Variants in COLEC12 observed in about 807,000 individuals in gnomAD.
COLEC12 encodes collectin subfamily member 12.
In COLEC12, 33 loss-of-function variants were observed where a neutral mutation model predicts 71.1. The ratio of observed to expected loss-of-function variants is 0.46; its 90% confidence interval spans 0.35 to 0.62. The LOEUF is 0.62. COLEC12 is among the 20% of genes least tolerant of loss of function. The pLI, the probability that COLEC12 is intolerant of heterozygous loss-of-function variation, is 0.00. For missense variants in COLEC12, 765 were observed against 916.1 expected, an observed-to-expected ratio of 0.84 and a Z score of 2.13; for synonymous variants, 350 against 353.0, an observed-to-expected ratio of 0.99 and a Z score of 0.10.
Position 346,514 on chromosome 18 carries a change from T to A in COLEC12, c.1108A>T (p.Thr370Ser), listed in dbSNP as rs377210459. 229 of 1,614,084 alleles carry A rather than the reference T, an allele frequency of 1.4e-4. No individual in the cohort carries two copies. Among genetic ancestry groups the A allele is most frequent in the Non-Finnish European group, 1.8e-4 (214 of 1,180,032 alleles). ...TGTTTGGTAAGGGTATCTGTGCAAG[T>A]GGTCCTGACTTCATTTAGATTGCTG... ...LTSNLNEVRTTCTDTLTKHTD... is the reference protein window; with the variant it reads ...LTSNLNEVRTSCTDTLTKHTD... The change falls in exon 5 of 10, where the codon ACT becomes TCT. Residue 370 changes from threonine to serine, a missense_variant. Transcript: ENST00000400256. The surrounding 1 kb of genome is among the most constrained non-coding windows in gnomAD (Gnocchi z 4.0).
At chr18:470,114 CAATCATTATATCTT>C (rs761691357) in intron 2 of COLEC12, among the ~76,000 whole-genome samples, 11 of 148,112 alleles carry the variant, frequency 7.4e-5, no homozygotes, top group Non-Finnish European at 1.2e-4. Context: ...TGAGGTGGGA[CAATCATTATATCTT>C]AATATTTTTT....
intron 1 of COLEC12, among the ~76,000 whole-genome samples, chr18:491,124 C>T (rs1467592970): frequency 1.3e-5 from 2 of 152,248 alleles, no homozygotes; most frequent in Non-Finnish European, 2.9e-5. Flanking sequence ...CACCACCACC[C>T]ACTGTAGCAG....
intron 3 of COLEC12, among the ~76,000 whole-genome samples, chr18:348,886 A>T (rs993977881): frequency 3.9e-5 from 6 of 152,234 alleles, no homozygotes; most frequent in African/African-American, 1.4e-4. Context: ...CTGTGTCCCC[A>T]CCCAAATCTC....
chr18:454,169 C>T (rs922617341), intron 2 of COLEC12, among the ~76,000 whole-genome samples: 2 of 151,860 alleles, frequency 1.3e-5, no homozygotes, highest in African/African-American at 2.4e-5. Context: ...TATTTCTTGA[C>T]GTCATCTCCT....
chr18:375,738 C>G (rs1361218031), intron 2 of COLEC12, among the ~76,000 whole-genome samples: 1 of 152,192 alleles, frequency 6.6e-6, no homozygotes, highest in African/African-American at 2.4e-5. Flanking sequence ...GCCTCCCTAA[C>G]AAGAATGTGA....
chr18:497,131 C>T (rs147423310), intron 1 of COLEC12, among the ~76,000 whole-genome samples: 2,750 of 152,240 alleles, frequency 0.018, 36 homozygotes, highest in Non-Finnish European at 0.028. Flanking sequence ...GTACTTGTGA[C>T]TCCAGGGATG....
rs989533849 is a variant in COLEC12, at chr18:483,540, G to A, written c.8-2783C>T. 4.6e-5 allele frequency among the ~76,000 whole-genome samples: 7 copies of A among 152,150 alleles called. No individual in the cohort carries two copies. In the East Asian group the frequency reaches 1.3e-3, roughly 29 times the overall value. ...TCTTGGTTTGGAATCTAGAAGGCCA[G>A]GTATTTATACTCAAAGTGGTTTTCT... On this transcript the variant is annotated intron_variant, in intron 1 of 9. Transcript: ENST00000400256.
chr18:414,044 C>G (rs1178446004), intron 2 of COLEC12, among the ~76,000 whole-genome samples: 1 of 152,128 alleles, frequency 6.6e-6, no homozygotes, highest in South Asian at 2.1e-4. Flanking sequence ...TTTGTGATAA[C>G]AGGCATTTTT....
At chr18:394,192 A>C (rs1482976002) in intron 2 of COLEC12, among the ~76,000 whole-genome samples, 1 of 152,202 alleles carries the variant, frequency 6.6e-6, no homozygotes, top group Non-Finnish European at 1.5e-5. Flanking sequence ...AAATAGAGAA[A>C]ATTGTGCCCA....
intron 2 of COLEC12, among the ~76,000 whole-genome samples, chr18:445,664 C>T (rs992297839): frequency 3.7e-4 from 47 of 127,216 alleles, no homozygotes; most frequent in Non-Finnish European, 6.0e-4. Flanking sequence ...CAAGGTTTTA[C>T]TCCTGTCACT....
intron 2 of COLEC12, among the ~76,000 whole-genome samples, chr18:374,411 T>C (rs1303670563): frequency 6.6e-6 from 1 of 151,786 alleles, no homozygotes; most frequent in Non-Finnish European, 1.5e-5. Flanking sequence ...TGACCTGCAA[T>C]TGCAATCAAG....
At position 333,158 on chromosome 18, in the gene COLEC12, GT is replaced by G; in HGVS notation, c.1817-16del. On this transcript the variant is annotated splice_polypyrimidine_tract_variant and intron_variant, in intron 6 of 9. Transcript: ENST00000400256. ...AGGCGGGCAGCCTAGGAATGCAAAA[GT>G]GGAAAACATTGATTAAAAGATCACA... 1 of 1,581,434 alleles carries G rather than the reference GT, an allele frequency of 6.3e-7. No individual in the cohort carries two copies. Among genetic ancestry groups the G allele is most frequent in the Non-Finnish European group, 8.6e-7 (1 of 1,167,750 alleles).
chr18:479,550 T>TCTCTCACA (rs1555622841), intron 2 of COLEC12, among the ~76,000 whole-genome samples: 64 of 149,412 alleles, frequency 4.3e-4, no homozygotes, highest in Non-Finnish European at 6.5e-4. Flanking sequence ...TCTCTCTCTC[T>TCTCTCACA]CACACACACA....
chr18:401,974 T>C (rs1271002293), intron 2 of COLEC12, among the ~76,000 whole-genome samples: 1 of 152,164 alleles, frequency 6.6e-6, no homozygotes, highest in Admixed American at 6.5e-5. Context: ...GAAAACGTGA[T>C]ATACTTTAAG....
intron 2 of COLEC12, among the ~76,000 whole-genome samples, chr18:449,729 T>C (rs566754752): frequency 9.2e-5 from 14 of 152,198 alleles, no homozygotes; most frequent in African/African-American, 3.4e-4. Flanking sequence ...TGACTGATCA[T>C]GGCAGGGACA....
intron 3 of COLEC12, among the ~76,000 whole-genome samples, chr18:354,934 G>A (rs553482018): frequency 1.3e-5 from 2 of 152,150 alleles, no homozygotes; most frequent in African/African-American, 4.8e-5. Context: ...TTTCCAGGCA[G>A]GGCTTTTAGG....
rs1473134955 is a variant in COLEC12, at chr18:408,087, ACT to A, written c.59-50567_59-50566del. 2.0e-5 allele frequency among the ~76,000 whole-genome samples: 3 copies of A among 152,154 alleles called. No homozygotes were observed. Among genetic ancestry groups the A allele is most frequent in the African/African-American group, 7.2e-5 (3 of 41,416 alleles). On this transcript the variant is annotated intron_variant, in intron 2 of 9. Transcript: ENST00000400256. The surrounding 1 kb of genome is among the most constrained non-coding windows in gnomAD (Gnocchi z 4.3). ...TAACCTAGGAAATGAATTTTTAATA[ACT>A]CTAATTCAGAATGCAAGAGGTTAAG...
In COLEC12 at chr18:395,610, C is replaced by T. The variant is rs183580417; in HGVS notation, c.59-38088G>A. Reference sequence around the variant, plus strand: ...GTACTGTACTTGGGGAAATTACTCACCTAGAGTTTATATAAGTTCCGAGGC... The same window carrying T: ...GTACTGTACTTGGGGAAATTACTCATCTAGAGTTTATATAAGTTCCGAGGC... On this transcript the variant is annotated intron_variant, in intron 2 of 9. Transcript: ENST00000400256. Among the ~76,000 whole-genome samples the T allele has an allele frequency of 1.1e-4, 16 of 152,290 alleles. No individual in the cohort carries two copies. In the East Asian group the frequency reaches 3.1e-3, roughly 29 times the overall value.
In COLEC12 at chr18:472,913, G is replaced by A. The variant is rs571009955; in HGVS notation, c.58+7794C>T. ...CCTGGAGCACCTGGGAGAGAGGAAA[G>A]AGCAGAGTGGGAGGGGTGGGAGCAG... is the stretch of plus-strand genomic sequence containing the variant. On this transcript the variant is annotated intron_variant, in intron 2 of 9. Coordinates refer to ENST00000400256, the MANE Select transcript of COLEC12 (RefSeq NM_130386.3). Among the ~76,000 whole-genome samples, 401 of 151,902 alleles carry A rather than the reference G, an allele frequency of 2.6e-3. 2 individuals are homozygous for A. Among genetic ancestry groups the A allele is most frequent in the Non-Finnish European group, 4.4e-3 (302 of 67,966 alleles).
Sources: allele counts gnomAD v4.1 joint callset (sites outside exome capture counted in the v4.1 genomes callset), GRCh38; gene constraint gnomAD v4.1.1; non-coding constraint Gnocchi (gnomAD v3.1); transcripts MANE v1.5; gene names NCBI Gene and HGNC (gene_info 2026-07-23, HGNC 2026-07-21).